DST: variants seen among roughly 807,000 people sequenced by gnomAD.
DST encodes the protein dystonin.
Under a neutral mutation model 875.2 loss-of-function variants are expected in DST, and 253 were observed. The ratio of observed to expected loss-of-function variants is 0.29; its 90% CI spans 0.26 to 0.32. The LOEUF is 0.32. Ranked by LOEUF, DST falls within the 10% of genes least tolerant of loss-of-function variation. DST has a pLI of 1.00. For missense variants in DST, 8,287 were observed against 9,111.6 expected, an observed-to-expected ratio of 0.91 and a Z score of 3.68; for synonymous variants, 3,124 against 3,197.1, an observed-to-expected ratio of 0.98 and a Z score of 0.77.
At chr6:56,675,859 A>G (rs1442385623) in intron 9 of DST, among the ~76,000 whole-genome samples, 1 of 152,144 alleles carries the variant, frequency 6.6e-6, no homozygotes, top group East Asian at 1.9e-4. Context: ...TCAATAAATA[A>G]ATAAATAAAC....
At position 56,529,526 on chromosome 6, in the gene DST, T is replaced by C. The variant is rs1387294389; in HGVS notation, c.17517A>G (p.Glu5839=). 1 of 1,613,242 alleles carries C rather than the reference T, an allele frequency of 6.2e-7. No individual in the cohort carries two copies. The highest frequency in any genetic ancestry group is 2.2e-5 in the East Asian group (1 of 44,874). Residue 5839 remains glutamate, a synonymous_variant, in exon 66 of 104, where the codon GAA becomes GAG. Coordinates refer to ENST00000680361, the MANE Select transcript of DST (RefSeq NM_001374736.1). ...AGAGCTTGCTCAGTTTGTCATGCACTTCATTCAGCCAGTTCATCAGTTCAA... is the reference window on the plus strand; with the variant it reads ...AGAGCTTGCTCAGTTTGTCATGCACCTCATTCAGCCAGTTCATCAGTTCAA... ...DEVELMNWLN[E]VHDKLSKLSV... is the part of the protein sequence containing the mutation.
Position 56,634,270 on chromosome 6 carries a change from G to A in DST, c.3495-12C>T. 6.2e-7 allele frequency: 1 copy of A among 1,613,700 alleles called. No individual in the cohort carries two copies. The highest frequency in any genetic ancestry group is 8.5e-7 in the Non-Finnish European group (1 of 1,179,994). ...ACTGTTGCTCAATTCTGAAATACAT[G>A]AAAGAGAACTCAGATTAATGTTTTT... On this transcript the variant is annotated splice_polypyrimidine_tract_variant and intron_variant, in intron 26 of 103. Transcript: ENST00000680361.
chr6:56,606,195 G>A lies in DST; in HGVS notation c.8433C>T (p.Gly2811=). The change falls in exon 40 of 104, where the codon GGC becomes GGT. Residue 2811 remains glycine, a synonymous_variant. Coordinates refer to ENST00000680361, the MANE Select transcript of DST (RefSeq NM_001374736.1). ...TTATACCTCCTCCTTCTTCATCAAT[G>A]CCATCATCATCATCGTCATCCTGAT... ...SNDQDDDDDD[G]IDEEGGGIRD... is the part of the protein sequence containing the mutation. The A allele has an allele frequency of 6.3e-7, 1 of 1,582,730 alleles. No individual in the cohort carries two copies. The highest frequency in any genetic ancestry group is 8.6e-7 in the Non-Finnish European group (1 of 1,162,124).
Position 56,608,441 on chromosome 6 carries a change from G to A in DST, c.6187C>T (p.Leu2063=), listed in dbSNP as rs752019666. 5 of 1,613,736 alleles carry A rather than the reference G, an allele frequency of 3.1e-6. No homozygotes were observed. Among genetic ancestry groups the A allele is most frequent in the Middle Eastern group, 1.6e-4 (1 of 6,062 alleles). Reference sequence around the variant, plus strand: ...CCAACATAGCCTCGCTGAGCTTCCAGGACCAGAAGAGCACTGCTGGAAGTT... The same window carrying A: ...CCAACATAGCCTCGCTGAGCTTCCAAGACCAGAAGAGCACTGCTGGAAGTT... The part of the protein sequence containing the change: ...LITSSSALLV[L]EAQRGYVGLI... Residue 2063 remains leucine, a synonymous_variant, in exon 40 of 104, where the codon CTG becomes TTG. Coordinates refer to ENST00000680361, the MANE Select transcript of DST (RefSeq NM_001374736.1).
chr6:56,470,994 A>T (rs1291098225), intron 95 of DST, 112 bp downstream of exon 95: 1 of 1,182,236 alleles, frequency 8.5e-7, no homozygotes, highest in Non-Finnish European at 1.2e-6. Context: ...TTCCTAGGCA[A>T]CTTATAAGAC....
At chr6:56,659,805 G>C (rs981931012) in intron 10 of DST, among the ~76,000 whole-genome samples, 1 of 152,090 alleles carries the variant, frequency 6.6e-6, no homozygotes, top group Admixed American at 6.6e-5. Flanking sequence ...AATCCAATAA[G>C]AAAGATCTAT....
chr6:56,876,431 T>C (rs2127623253), intron 3 of DST, among the ~76,000 whole-genome samples: 1 of 152,316 alleles, frequency 6.6e-6, no homozygotes, highest in Middle Eastern at 3.4e-3. Flanking sequence ...TGACCTCCAA[T>C]TTTTGGCTCT....
chr6:56,756,532 G>T (rs1016244572), intron 4 of DST, among the ~76,000 whole-genome samples: 5 of 152,138 alleles, frequency 3.3e-5, no homozygotes, highest in African/African-American at 1.2e-4. Context: ...GGAAGCAGGG[G>T]TCCTAAAAGC....
chr6:56,589,021 T>G (rs570704022), intron 49 of DST, among the ~76,000 whole-genome samples: 2 of 152,240 alleles, frequency 1.3e-5, no homozygotes, highest in Non-Finnish European at 2.9e-5. Context: ...CATGGTTATT[T>G]AGGAGATGAA....
chr6:56,642,707 T>G lies in DST; in HGVS notation c.1779-204A>C, dbSNP rs1489546109. 3.7e-6 allele frequency: 6 copies of G among 1,614,168 alleles called. No homozygotes were observed. Among genetic ancestry groups the G allele is most frequent in the Non-Finnish European group, 5.1e-6 (6 of 1,179,998 alleles). On this transcript the variant is annotated intron_variant, in intron 15 of 103. Transcript: ENST00000680361. ...CAATGAACCAAGAGAAGATTTTCAT[T>G]TGAATCAAGACTGGTTCGAGTGCTG... is the stretch of plus-strand genomic sequence containing the variant.
chr6:56,749,167 A>T (rs187559114), intron 4 of DST, among the ~76,000 whole-genome samples: 17 of 152,240 alleles, frequency 1.1e-4, no homozygotes, highest in Admixed American at 1.1e-3. Flanking sequence ...AGGCTGGCCA[A>T]CATGGTGAAA....
At chr6:56,642,609 A>T (rs748707571) in intron 15 of DST, 106 bp from the exon 16 acceptor site, 1 of 1,613,976 alleles carries the variant, frequency 6.2e-7, no homozygotes, top group Admixed American at 1.7e-5. Flanking sequence ...ATCCCACACC[A>T]ATGATTCAAT....
intron 2 of DST, among the ~76,000 whole-genome samples, chr6:56,902,753 A>G (rs1395948792): frequency 6.6e-6 from 1 of 152,238 alleles, no homozygotes; most frequent in East Asian, 1.9e-4. Context: ...CTCAGGAGGT[A>G]CTACAGCAGC....
At chr6:56,522,309 T>G (rs924527275) in intron 69 of DST, among the ~76,000 whole-genome samples, 1 of 152,112 alleles carries the variant, frequency 6.6e-6, no homozygotes, top group South Asian at 2.1e-4. Context: ...AGGTAGTAAA[T>G]GCTGAGCCTG....
chr6:56,712,078 G>T (rs1203055083), intron 5 of DST, among the ~76,000 whole-genome samples: 1 of 104,404 alleles, frequency 9.6e-6, no homozygotes, highest in Non-Finnish European at 2.3e-5. Context: ...GCGACAGAGC[G>T]AGACTCCGTC....
At chr6:56,682,672 G>A (rs2099162528) in intron 9 of DST, among the ~76,000 whole-genome samples, 2 of 152,190 alleles carry the variant, frequency 1.3e-5, no homozygotes, top group Admixed American at 1.3e-4. Flanking sequence ...AAGAAGGCTT[G>A]ACCCCATTTC....
At chr6:56,831,043 T>C (rs577532685) in intron 4 of DST, among the ~76,000 whole-genome samples, 1 of 152,198 alleles carries the variant, frequency 6.6e-6, no homozygotes, top group Non-Finnish European at 1.5e-5. Context: ...GCACTTATGT[T>C]ACCCATCTCA....
chr6:56,566,207 T>C lies in DST; in HGVS notation c.14005+2262A>G, dbSNP rs544577961. On this transcript the variant is annotated intron_variant, in intron 55 of 103. Coordinates refer to ENST00000680361, the MANE Select transcript of DST (RefSeq NM_001374736.1). ...GCCCCCTTTCCAGGGGAGTGAATGG[T>C]TCTGTCTCACTGGTGTTCCAGGTGC... Among the ~76,000 whole-genome samples, 4 of 152,190 alleles carry C rather than the reference T, an allele frequency of 2.6e-5. No individual in the cohort carries two copies. In the South Asian group the frequency reaches 8.3e-4, roughly 32 times the overall value.
At chr6:56,890,020 C>G (rs1270383526) in intron 3 of DST, among the ~76,000 whole-genome samples, 4 of 152,148 alleles carry the variant, frequency 2.6e-5, no homozygotes, top group Admixed American at 2.0e-4. Flanking sequence ...AAATGAGACT[C>G]AAAGTAATTA....
Sources: gnomAD v4.1 joint callset for allele counts (sites outside exome capture counted in the v4.1 genomes callset) on GRCh38, gnomAD v4.1.1 for gene constraint, MANE v1.5 for transcripts, NCBI Gene and HGNC (gene_info 2026-07-23, HGNC 2026-07-21) for gene names.